SARNP: variants seen among roughly 807,000 people sequenced by gnomAD.
SARNP encodes the protein SAP domain containing ribonucleoprotein, also known as SAP domain-containing ribonucleoprotein.
SARNP carries 5 observed loss-of-function variants against 38.1 expected under a neutral mutation model. That is an observed-to-expected ratio of 0.13 (90% CI 0.07 to 0.28). The LOEUF (loss-of-function observed/expected upper bound fraction) is 0.28, where lower values mean the gene tolerates loss of function less well. SARNP is among the 10% of genes least tolerant of loss of function. SARNP has a pLI of 1.00. For missense variants in SARNP, 180 were observed against 243.9 expected (o/e 0.74, Z 1.75); for synonymous variants, 84 against 80.6 (o/e 1.04, Z -0.23).
intron 5 of SARNP, among the ~76,000 whole-genome samples, 190 bp from the exon 6 acceptor site, chr12:55,795,070 G>A (rs560091809): frequency 2.6e-5 from 4 of 151,296 alleles, no homozygotes; most frequent in East Asian, 1.9e-4. Flanking sequence ...AGCGATTCTC[G>A]TGGCTCAGCC....
At chr12:55,800,962 A>C in intron 2 of SARNP, 62 bp from the exon 3 acceptor site, 1 of 1,366,448 alleles carries the variant, frequency 7.3e-7, no homozygotes, top group Non-Finnish European at 1.0e-6. Context: ...TCACTTACCA[A>C]GGTTAAAATT....
intron 1 of SARNP, among the ~76,000 whole-genome samples, chr12:55,804,262 GAAGA>G (rs987236338): frequency 5.3e-5 from 8 of 152,222 alleles, no homozygotes; most frequent in African/African-American, 1.9e-4. Flanking sequence ...GTCAAAATGG[GAAGA>G]AATATCTAAT....
chr12:55,774,575 C>CAAAAAAAAAAAAAAAA (rs1187594580), intron 9 of SARNP, among the ~76,000 whole-genome samples: 8 of 41,188 alleles, frequency 1.9e-4, no homozygotes, highest in African/African-American at 8.8e-4. Flanking sequence ...AAAAAAAAAA[C>CAAAAAAAAAAAAAAAA]AAACAAAAAA....
intron 9 of SARNP, among the ~76,000 whole-genome samples, chr12:55,767,149 C>T (rs1458038390): frequency 6.6e-6 from 1 of 152,136 alleles, no homozygotes; most frequent in African/African-American, 2.4e-5. Context: ...TAAATGTTAG[C>T]TATTACTTTT....
intron 1 of SARNP, among the ~76,000 whole-genome samples, chr12:55,810,160 T>G (rs914964490): frequency 6.6e-6 from 1 of 152,218 alleles, no homozygotes; most frequent in African/African-American, 2.4e-5. Flanking sequence ...TTGCCCAGAC[T>G]GGAATGCAGC....
chr12:55,807,675 G>A (rs958885507), intron 1 of SARNP, among the ~76,000 whole-genome samples: 6 of 151,268 alleles, frequency 4.0e-5, no homozygotes, highest in South Asian at 2.1e-4. Flanking sequence ...TTAGCCGGGC[G>A]CGGTGGCGGG....
chr12:55,816,395 C>G (rs1209489008), intron 1 of SARNP, among the ~76,000 whole-genome samples: 1 of 151,856 alleles, frequency 6.6e-6, no homozygotes, highest in Non-Finnish European at 1.5e-5. Context: ...ATCAAGAGAC[C>G]GCTGATATAG....
chr12:55,809,651 G>A (rs1880265675), intron 1 of SARNP, among the ~76,000 whole-genome samples: 1 of 147,960 alleles, frequency 6.8e-6, no homozygotes, highest in Non-Finnish European at 1.5e-5. Flanking sequence ...GCTAAGGCAG[G>A]GGCATCACTT....
At chr12:55,806,044 A>C (rs1202299693) in intron 1 of SARNP, among the ~76,000 whole-genome samples, 2 of 151,696 alleles carry the variant, frequency 1.3e-5, no homozygotes, top group East Asian at 3.9e-4. Context: ...TCTCAAAAAA[A>C]AAAAAAATTA....
chr12:55,807,601 G>C (rs577213726), intron 1 of SARNP, among the ~76,000 whole-genome samples: 1 of 146,846 alleles, frequency 6.8e-6, no homozygotes, highest in Non-Finnish European at 1.5e-5. Context: ...AGGAGATAGA[G>C]ACCATCCTGG....
At chr12:55,784,271 C>G (rs746351820) in intron 9 of SARNP, among the ~76,000 whole-genome samples, 2 of 152,166 alleles carry the variant, frequency 1.3e-5, no homozygotes, top group Non-Finnish European at 2.9e-5. Context: ...CACTGGAACC[C>G]AGAATCCCAG....
At chr12:55,794,957 TAA>T (rs373511418) in intron 5 of SARNP, 77 bp from the exon 6 acceptor site, 2,210 of 144,034 alleles carry the variant, frequency 0.015, no homozygotes, top group South Asian at 0.052. Context: ...TAGGTATCTT[TAA>T]AAAAAAAAAA....
intron 1 of SARNP, among the ~76,000 whole-genome samples, chr12:55,805,789 C>T (rs975579070): frequency 6.6e-6 from 1 of 152,112 alleles, no homozygotes; most frequent in African/African-American, 2.4e-5. Flanking sequence ...GCGGAGGTTG[C>T]AGTGAGCCAA....
chr12:55,798,073 CCATAA>C (rs1474142188), intron 4 of SARNP, among the ~76,000 whole-genome samples: 4 of 152,120 alleles, frequency 2.6e-5, no homozygotes, highest in East Asian at 1.9e-4. Flanking sequence ...CCAGAAATCC[CCATAA>C]CATTTCTATT....
In SARNP at chr12:55,817,651, C is replaced by T; in HGVS notation, c.36+15G>A. On this transcript the variant is annotated intron_variant, in intron 1 of 10. Coordinates refer to ENST00000336133, the MANE Select transcript of SARNP (RefSeq NM_033082.4). ...CTAGAAAAGTCCAACTCAGCCCTTC[C>T]CCGATTCACGGTACCTTTAGCTTAT... The T allele has an allele frequency of 1.9e-6, 3 of 1,610,748 alleles. No individual in the cohort carries two copies. Among genetic ancestry groups the T allele is most frequent in the Non-Finnish European group, 2.5e-6 (3 of 1,178,458 alleles).
chr12:55,758,055 A>G lies in SARNP; in HGVS notation c.592-502T>C, dbSNP rs3741506. Among the ~76,000 whole-genome samples, 345 of 152,324 alleles carry G rather than the reference A, an allele frequency of 2.3e-3. 6 individuals carry two copies. The East Asian group carries it at 0.034, about 15-fold the overall frequency. ...GGACTCCAACCCACAAAAAAGGCAT[A>G]TAAATCTTTGATGCCAACAGAACGA... On this transcript the variant is annotated intron_variant, in intron 10 of 10. Transcript: ENST00000336133.
At chr12:55,754,677 A>C (rs1878448070), downstream of SARNP, 1 of 152,242 alleles carries the variant, frequency 6.6e-6, no homozygotes, top group Non-Finnish European at 1.5e-5. Context: ...ACCCAGTAAA[A>C]GCTAATATTT....
chr12:55,812,473 C>T (rs1477024833), intron 1 of SARNP, among the ~76,000 whole-genome samples: 1 of 152,228 alleles, frequency 6.6e-6, no homozygotes, highest in East Asian at 1.9e-4. Flanking sequence ...TGGGACATGG[C>T]AGGTGCTCCA....
intron 9 of SARNP, among the ~76,000 whole-genome samples, chr12:55,766,868 C>T (rs1878853169): frequency 1.3e-5 from 2 of 151,568 alleles, no homozygotes; most frequent in African/African-American, 2.4e-5. Context: ...GCAATCTACC[C>T]GCCTCTGCCG....
Sources: gnomAD v4.1 joint callset for allele counts (sites outside exome capture counted in the v4.1 genomes callset) on GRCh38, gnomAD v4.1.1 for gene constraint, MANE v1.5 for transcripts, NCBI Gene and HGNC (gene_info 2026-07-23, HGNC 2026-07-21) for gene names.